INMT: variants seen among roughly 807,000 people sequenced by gnomAD.
The protein encoded by INMT is indolethylamine N-methyltransferase, also known as amine N-methyltransferase.
Under a neutral mutation model 11.5 loss-of-function variants are expected in INMT, and 11 were observed. That is an observed-to-expected ratio of 0.95 (90% CI 0.60 to 1.58). The LOEUF is 1.58. Among genes scored for constraint, INMT ranks in the 40% most tolerant of loss-of-function variants. The pLI, the probability that INMT is intolerant of heterozygous loss-of-function variation, is 0.00. For synonymous variants in INMT, 155 were observed against 142.9 expected (o/e 1.08, Z -0.60); for missense variants, 316 against 336.1 (o/e 0.94, Z 0.47).
rs1361792088 is a variant in INMT at position 30,753,785 on chromosome 7, A to G, written c.209A>G (p.Gln70Arg). 5 of 1,613,950 alleles carry G rather than the reference A, an allele frequency of 3.1e-6. No homozygotes were observed. In the South Asian group the frequency reaches 5.5e-5, roughly 18 times the overall value. ...IDIGSGPTIY[Q>R]VLAACDSFQD... ...ATTGGCTCAGGTCCTACCATCTACC[A>G]AGTTCTTGCTGCCTGTGATTCCTTC... Residue 70 changes from glutamine (Q) to arginine (R), a missense_variant, in exon 2 of 3, where the codon CAA becomes CGA. By Grantham distance (43) the Gln-to-Arg change is conservative. Coordinates refer to ENST00000013222, the MANE Select transcript of INMT (RefSeq NM_006774.5).
chr7:30,753,581 T>G, intron 1 of INMT, 150 bp from the exon 2 acceptor site: 1 of 705,544 alleles, frequency 1.4e-6, no homozygotes, highest in Non-Finnish European at 2.5e-6. Flanking sequence ...ATATTTGGCA[T>G]GAGGCTTGGC....
At chr7:30,753,650 C>A in intron 1 of INMT, 81 bp from the exon 2 acceptor site, 2 of 1,318,260 alleles carry the variant, frequency 1.5e-6, no homozygotes, top group East Asian at 2.3e-5. Context: ...TGGGTAAGAC[C>A]AGGGTGTGTG....
intron 1 of INMT, among the ~76,000 whole-genome samples, chr7:30,753,365 C>G (rs1268105868): frequency 6.6e-6 from 1 of 152,236 alleles, no homozygotes; most frequent in African/African-American, 2.4e-5. Flanking sequence ...AACTCTCCAG[C>G]CCGAATCTTC....
rs906530379 is a variant in INMT, at chr7:30,754,429, A to C, written c.362+491A>C. 6.6e-6 allele frequency among the ~76,000 whole-genome samples: 1 copy of C among 150,438 alleles called. No individual in the cohort carries two copies. Among genetic ancestry groups the C allele is most frequent in the African/African-American group, 2.5e-5 (1 of 40,642 alleles). On this transcript the variant is annotated intron_variant, in intron 2 of 2. Transcript: ENST00000013222. This position sits in a 1 kb window ranked among gnomAD's most constrained non-coding sequence, Gnocchi z 4.9. ...TATCCATCCATCTATCCATCCGTCC[A>C]TTCATCCATCCATCAATATTCATCC...
chr7:30,753,914 T>G lies in INMT; in HGVS notation c.338T>G (p.Phe113Cys). ...GAYDWTPAVK[F>C]ACELEGNSGR... ...TATGACTGGACCCCAGCGGTGAAAT[T>G]CGCCTGTGAGCTGGAAGGAAACAGG... The change falls in exon 2 of 3, where the codon TTC (phenylalanine) becomes TGC (cysteine). Residue 113 changes from phenylalanine (F) to cysteine (C), a missense_variant. Physicochemically the swap from Phe to Cys is radical, Grantham distance 205 (BLOSUM62 -2). Coordinates refer to ENST00000013222, the MANE Select transcript of INMT (RefSeq NM_006774.5). 3.1e-6 allele frequency: 5 copies of G among 1,614,070 alleles called. No homozygotes were observed. The South Asian group carries it at 5.5e-5, about 18-fold the overall frequency.
Position 30,753,885 on chromosome 7 carries a change from G to A in INMT, c.309G>A (p.Gly103=). ...ELEKWLKKEP[G]AYDWTPAVKF... ...AAAAGTGGCTGAAGAAGGAGCCGGGGGCCTATGACTGGACCCCAGCGGTGA... is the reference window on the plus strand; with the variant it reads ...AAAAGTGGCTGAAGAAGGAGCCGGGAGCCTATGACTGGACCCCAGCGGTGA... The change falls in exon 2 of 3, where the codon GGG becomes GGA. Residue 103 remains glycine (G), a synonymous_variant. Transcript: ENST00000013222. 1 of 1,614,180 alleles carries A rather than the reference G, an allele frequency of 6.2e-7. No individual in the cohort carries two copies. The highest frequency in any genetic ancestry group is 8.5e-7 in the Non-Finnish European group (1 of 1,180,026).
Position 30,754,647 on chromosome 7 carries a change from C to T in INMT, c.362+709C>T, listed in dbSNP as rs1786184552. 6.7e-6 allele frequency among the ~76,000 whole-genome samples: 1 copy of T among 148,672 alleles called. No homozygotes were observed. The highest frequency in any genetic ancestry group is 1.5e-5 in the Non-Finnish European group (1 of 66,398). ...CATCCATATCCATCTATCCATCCAT[C>T]CATCCATCCATCCATCCATCCATCC... On this transcript the variant is annotated intron_variant, in intron 2 of 2. Coordinates refer to ENST00000013222, the MANE Select transcript of INMT (RefSeq NM_006774.5). This position sits in a 1 kb window ranked among gnomAD's most constrained non-coding sequence, Gnocchi z 4.9.
At position 30,756,289 on chromosome 7, in the gene INMT, G is replaced by A; in HGVS notation, c.*438G>A. The A allele has an allele frequency of 2.2e-6, 2 of 908,284 alleles. No individual in the cohort carries two copies. The highest frequency in any genetic ancestry group is 2.6e-6 in the Non-Finnish European group (2 of 758,566). 56.3% of individuals were successfully genotyped at this position (908,284 alleles called of 1,614,324 possible). On this transcript the variant is annotated 3_prime_UTR_variant, in exon 3 of 3. Coordinates refer to ENST00000013222, the MANE Select transcript of INMT (RefSeq NM_006774.5). Reference sequence around the variant, plus strand: ...CTGGCTCTGTCACCCAGGCTAGAGTGCAATGGCACGATCTCGGCTCACTGC... The same window carrying A: ...CTGGCTCTGTCACCCAGGCTAGAGTACAATGGCACGATCTCGGCTCACTGC...
At chr7:30,753,062 G>A (rs751843056) in intron 1 of INMT, among the ~76,000 whole-genome samples, 11 of 152,180 alleles carry the variant, frequency 7.2e-5, no homozygotes, top group Non-Finnish European at 4.4e-5. Flanking sequence ...GAGAACAGCC[G>A]GACTGGGTGT....
chr7:30,756,404 T>TTTTTTTTTTTTTA lies in INMT; in HGVS notation c.*565_*566insATTTTTTTTTTTT. On this transcript the variant is annotated 3_prime_UTR_variant, in exon 3 of 3. Coordinates refer to ENST00000013222, the MANE Select transcript of INMT (RefSeq NM_006774.5). ...GAGCTCGCCACCACACCCAGCTAAT[T>TTTTTTTTTTTTTA]TTTTTTTTTTTTTTTTTATTTGAGA... 6.9e-6 allele frequency: 1 copy of TTTTTTTTTTTTTA among 144,334 alleles called. No individual in the cohort carries two copies. Among genetic ancestry groups the TTTTTTTTTTTTTA allele is most frequent in the African/African-American group, 2.8e-5 (1 of 35,788 alleles). 8.9% of individuals were successfully genotyped at this position (144,334 alleles called of 1,614,324 possible).
In INMT at chr7:30,755,625, C is replaced by A. The variant is rs142938904; in HGVS notation, c.566C>A (p.Pro189Gln). ...ALCNLASLLK[P>Q]GGHLVTTVTL... ...TGCAACCTTGCCTCACTGCTCAAGC[C>A]GGGTGGCCACCTGGTGACCACTGTC... The change falls in exon 3 of 3, where the codon CCG becomes CAG. Residue 189 changes from proline (P) to glutamine (Q), a missense_variant. Coordinates refer to ENST00000013222, the MANE Select transcript of INMT (RefSeq NM_006774.5). 1 of 1,614,238 alleles carries A rather than the reference C, an allele frequency of 6.2e-7. No homozygotes were observed. The highest frequency in any genetic ancestry group is 1.7e-5 in the Admixed American group (1 of 60,032).
intron 1 of INMT, 53 bp downstream of exon 1, chr7:30,752,357 G>C: frequency 6.7e-7 from 1 of 1,489,732 alleles, no homozygotes; most frequent in Non-Finnish European, 9.3e-7. Context: ...AACCTGGATG[G>C]GGATGGGGAG....
chr7:30,755,427 G>T lies in INMT; in HGVS notation c.368G>T (p.Arg123Leu). ...CTCCCTCTCTCTCTCTGCAGCGGCC[G>T]ATGGGAGGAGAAGGAGGAGAAGCTG... ...FACELEGNSGRWEEKEEKLRA... is the reference protein window; with the variant it reads ...FACELEGNSGLWEEKEEKLRA... Residue 123 changes from arginine to leucine, a missense_variant, in exon 3 of 3, where the codon CGA becomes CTA. Coordinates refer to ENST00000013222, the MANE Select transcript of INMT (RefSeq NM_006774.5). 3 of 1,592,720 alleles carry T rather than the reference G, an allele frequency of 1.9e-6. No individual in the cohort carries two copies. Among genetic ancestry groups the T allele is most frequent in the Non-Finnish European group, 2.5e-6 (3 of 1,176,624 alleles).
rs1422391623 is a variant in INMT at position 30,755,508 on chromosome 7, C to A, written c.449C>A (p.Ala150Asp). Residue 150 changes from alanine to aspartate, a missense_variant, in exon 3 of 3, where the codon GCC becomes GAC. Transcript: ENST00000013222. ...GATGTCCACCTGGGCAACCCGCTGG[C>A]CCCGGCTGTGTTGCCTCTCGCCGAC... ...KCDVHLGNPL[A>D]PAVLPLADCV... 1.2e-6 allele frequency: 2 copies of A among 1,607,010 alleles called. No individual in the cohort carries two copies. Among genetic ancestry groups the A allele is most frequent in the South Asian group, 2.2e-5 (2 of 91,084 alleles).
In INMT at chr7:30,754,014, C is replaced by A; in HGVS notation, c.362+76C>A. The A allele has an allele frequency of 6.8e-7, 1 of 1,466,272 alleles. No individual in the cohort carries two copies. Among genetic ancestry groups the A allele is most frequent in the Non-Finnish European group, 9.4e-7 (1 of 1,062,878 alleles). The allele number at this position is 1,466,272 out of a possible 1,614,324, so 90.8% of individuals were successfully genotyped here. Reference sequence around the variant, plus strand: ...GAAGTCTCCCTGGCCTCTTTGTTGTCTCTGACATTTTCAGGACAGTAGGAC... The same window carrying A: ...GAAGTCTCCCTGGCCTCTTTGTTGTATCTGACATTTTCAGGACAGTAGGAC... On this transcript the variant is annotated intron_variant, in intron 2 of 2. Coordinates refer to ENST00000013222, the MANE Select transcript of INMT (RefSeq NM_006774.5). This position sits in a 1 kb window ranked among gnomAD's most constrained non-coding sequence, Gnocchi z 4.9.
intron 1 of INMT, among the ~76,000 whole-genome samples, 198 bp from the exon 2 acceptor site, chr7:30,753,533 G>C (rs1265037759): frequency 6.6e-6 from 1 of 152,220 alleles, no homozygotes; most frequent in East Asian, 1.9e-4. Context: ...ACTACACAGG[G>C]TAGTTTTGAG....
In INMT at chr7:30,755,485, T is replaced by G. The variant is rs770540757; in HGVS notation, c.426T>G (p.Asp142Glu). 3.1e-6 allele frequency: 5 copies of G among 1,603,186 alleles called. No individual in the cohort carries two copies. The East Asian group carries it at 1.1e-4, about 36-fold the overall frequency. ...CGGTGAAGCGGGTGCTCAAGTGCGA[T>G]GTCCACCTGGGCAACCCGCTGGCCC... ...RAAVKRVLKCDVHLGNPLAPA... is the reference protein window; with the variant it reads ...RAAVKRVLKCEVHLGNPLAPA... The change falls in exon 3 of 3, where the codon GAT becomes GAG. Residue 142 changes from aspartate (D) to glutamate (E), a missense_variant. Asp to Glu is a conservative substitution (Grantham distance 45). Coordinates refer to ENST00000013222, the MANE Select transcript of INMT (RefSeq NM_006774.5).
rs2128160290 is a variant in INMT, at chr7:30,754,494, T to C, written c.362+556T>C. ...CCATTCATCCATCCATATCCATCCA[T>C]CCATCCATCCATCCACCCATTCATA... is the stretch of plus-strand genomic sequence containing the variant. On this transcript the variant is annotated intron_variant, in intron 2 of 2. Transcript: ENST00000013222. This position sits in a 1 kb window ranked among gnomAD's most constrained non-coding sequence, Gnocchi z 4.9. Among the ~76,000 whole-genome samples, 1 of 151,008 alleles carries C rather than the reference T, an allele frequency of 6.6e-6. No individual in the cohort carries two copies. Among genetic ancestry groups the C allele is most frequent in the African/African-American group, 2.4e-5 (1 of 41,044 alleles).
Position 30,755,497 on chromosome 7 carries a change from C to G in INMT, c.438C>G (p.Gly146=), listed in dbSNP as rs1786213426. 6.2e-7 allele frequency: 1 copy of G among 1,604,674 alleles called. No homozygotes were observed. The highest frequency in any genetic ancestry group is 8.5e-7 in the Non-Finnish European group (1 of 1,179,976). The change falls in exon 3 of 3, where the codon GGC becomes GGG. Residue 146 remains glycine (G), a synonymous_variant. Transcript: ENST00000013222. The part of the protein sequence containing the change: ...KRVLKCDVHL[G]NPLAPAVLPL... The stretch of plus-strand genomic sequence containing the variant: ...TGCTCAAGTGCGATGTCCACCTGGG[C>G]AACCCGCTGGCCCCGGCTGTGTTGC...
Sources: allele counts gnomAD v4.1 joint callset (sites outside exome capture counted in the v4.1 genomes callset), GRCh38; gene constraint gnomAD v4.1.1; non-coding constraint Gnocchi (gnomAD v3.1); transcripts MANE v1.5; gene names NCBI Gene and HGNC (gene_info 2026-07-23, HGNC 2026-07-21).